Variants in POTEM observed in about 807,000 individuals in gnomAD.
POTEM encodes POTE ankyrin domain family member M.
For synonymous variants in POTEM, 8 were observed against 113.2 expected (o/e 0.07, Z 5.90); for missense variants, 24 against 343.0 (o/e 0.07, Z 7.35).
At position 19,002,754 on chromosome 14, in the gene POTEM, G is replaced by A. The variant is rs1361901046; in HGVS notation, c.*4089G>A. 7.1e-3 allele frequency among the ~76,000 whole-genome samples: 1,047 copies of A among 147,560 alleles called. 1 individual carries two copies. Among genetic ancestry groups the A allele is most frequent in the African/African-American group, 0.016 (650 of 39,438 alleles). Reference sequence around the variant, plus strand: ...GCAGCAAGGTGGCCCCTACGGCCACGCACCAGCCTGCACATTACCTCTCCA... The same window carrying A: ...GCAGCAAGGTGGCCCCTACGGCCACACACCAGCCTGCACATTACCTCTCCA... On this transcript the variant is annotated 3_prime_UTR_variant, in exon 11 of 11. Transcript: ENST00000547889.
At chr14:18,969,439 G>A (rs1471652131) in intron 1 of POTEM, among the ~76,000 whole-genome samples, 1 of 113,456 alleles carries the variant, frequency 8.8e-6, no homozygotes, top group Admixed American at 8.2e-5. Flanking sequence ...CTGGAGTGCA[G>A]TGGTGCGATC....
At chr14:18,994,962 C>CATCTTGTTTGTACATTTATATGTA (rs1891276257) in intron 9 of POTEM, among the ~76,000 whole-genome samples, 1 of 79,256 alleles carries the variant, frequency 1.3e-5, no homozygotes, top group Non-Finnish European at 2.5e-5. Flanking sequence ...TGCTTGTTTA[C>CATCTTGTTTGTACATTTATATGTA]CGTTTGTACA....
chr14:19,002,763 T>C lies in POTEM; in HGVS notation c.*4098T>C, dbSNP rs1891407375. Among the ~76,000 whole-genome samples, 1 of 152,288 alleles carries C rather than the reference T, an allele frequency of 6.6e-6. No homozygotes were observed. Among genetic ancestry groups the C allele is most frequent in the Non-Finnish European group, 1.5e-5 (1 of 68,046 alleles). ...TGGCCCCTACGGCCACGCACCAGCC[T>C]GCACATTACCTCTCCATACTGCAGC... On this transcript the variant is annotated 3_prime_UTR_variant, in exon 11 of 11. Transcript: ENST00000547889.
chr14:18,986,402 CA>C (rs1189816577), intron 7 of POTEM, among the ~76,000 whole-genome samples: 3 of 136,924 alleles, frequency 2.2e-5, no homozygotes, highest in Non-Finnish European at 4.7e-5. Flanking sequence ...GGAACCAGGT[CA>C]AAAAAGCAAC....
At position 18,980,102 on chromosome 14, in the gene POTEM, GA is replaced by G; in HGVS notation, c.1089del (p.Lys363AsnfsTer4). 2.3e-6 allele frequency: 1 copy of G among 429,080 alleles called. No individual in the cohort carries two copies. The highest frequency in any genetic ancestry group is 4.3e-5 in the East Asian group (1 of 23,032). 26.6% of individuals were successfully genotyped at this position (429,080 alleles called of 1,614,324 possible). On this transcript the variant is annotated frameshift_variant, in exon 6 of 11. Coordinates refer to ENST00000547889, the MANE Select transcript of POTEM (RefSeq NM_001145442.1). LOFTEE classifies it high-confidence loss of function. ...VICQLLSDYKEKQILKVSSEN... is the reference protein window; with the variant it reads ...VICQLLSDYKXKQILKVSSEN... ...TTGCCAGTTACTTTCTGACTACAAA[GA>G]AAAACAGATACTAAAAGTCTCTTCT...
At chr14:18,990,914 G>T (rs1891235828) in intron 9 of POTEM, among the ~76,000 whole-genome samples, 1 of 50,790 alleles carries the variant, frequency 2.0e-5, no homozygotes, top group Non-Finnish European at 4.5e-5. Flanking sequence ...GATGAAGTCT[G>T]GCTTTGTCCC....
intron 1 of POTEM, among the ~76,000 whole-genome samples, chr14:18,969,360 T>TATACATAC (rs1890854520): frequency 1.1e-5 from 1 of 89,258 alleles, no homozygotes; most frequent in African/African-American, 4.3e-5. Context: ...TACATGTGTA[T>TATACATAC]ATATATATAT....
intron 9 of POTEM, among the ~76,000 whole-genome samples, chr14:18,994,963 C>T (rs1288688604): frequency 3.7e-4 from 29 of 79,096 alleles, no homozygotes; most frequent in African/African-American, 1.5e-3. Flanking sequence ...GCTTGTTTAC[C>T]GTTTGTACAT....
At chr14:18,969,359 A>ATATATATATATATATACACATGTG (rs1890853655) in intron 1 of POTEM, among the ~76,000 whole-genome samples, 1 of 87,560 alleles carries the variant, frequency 1.1e-5, no homozygotes, top group Non-Finnish European at 2.1e-5. Flanking sequence ...ATACATGTGT[A>ATATATATATATATATACACATGTG]TATATATATA....
chr14:18,968,430 A>G (rs1340845309), intron 1 of POTEM, among the ~76,000 whole-genome samples: 73 of 151,846 alleles, frequency 4.8e-4, no homozygotes, highest in African/African-American at 1.7e-3. Flanking sequence ...ATCAATGTAC[A>G]CTATGTAAAT....
intron 1 of POTEM, among the ~76,000 whole-genome samples, chr14:18,968,683 C>T (rs1181631856): frequency 5.9e-5 from 9 of 151,858 alleles, no homozygotes; most frequent in African/African-American, 9.6e-5. Context: ...ATTAGCTGGA[C>T]GCGGTGGCAG....
chr14:18,982,004 G>A (rs1262040644), intron 6 of POTEM, among the ~76,000 whole-genome samples: 1 of 149,964 alleles, frequency 6.7e-6, no homozygotes, highest in Non-Finnish European at 1.5e-5. Context: ...GCTGTTGGCA[G>A]TGTTTTATTC....
chr14:18,968,791 C>G (rs1298008611), intron 1 of POTEM, among the ~76,000 whole-genome samples: 47 of 152,174 alleles, frequency 3.1e-4, no homozygotes, highest in African/African-American at 1.1e-3. Context: ...CCACTGTACT[C>G]CAGCCTGGGA....
intron 7 of POTEM, among the ~76,000 whole-genome samples, chr14:18,985,895 C>T (rs1891170450): frequency 8.5e-6 from 1 of 118,014 alleles, no homozygotes; most frequent in African/African-American, 3.9e-5. Flanking sequence ...CAGAGCAAGA[C>T]TCTGTGTCAA....
chr14:18,985,990 A>G lies in POTEM; in HGVS notation c.1197+509A>G, dbSNP rs796234794. On this transcript the variant is annotated intron_variant, in intron 7 of 10. Coordinates refer to ENST00000547889, the MANE Select transcript of POTEM (RefSeq NM_001145442.1). Reference sequence around the variant, plus strand: ...TTCAGCAACCTTATTAAAAGAATCAATAGGTTCTAATTTAATATTTGATAT... The same window carrying G: ...TTCAGCAACCTTATTAAAAGAATCAGTAGGTTCTAATTTAATATTTGATAT... Among the ~76,000 whole-genome samples, 52 of 65,746 alleles carry G rather than the reference A, an allele frequency of 7.9e-4. 3 individuals carry two copies. The East Asian group carries it at 0.012, about 15-fold the overall frequency. 43.1% of individuals were successfully genotyped at this position (65,746 alleles called of 152,430 possible).
chr14:18,969,423 C>T (rs1890859777), intron 1 of POTEM, among the ~76,000 whole-genome samples: 1 of 114,532 alleles, frequency 8.7e-6, no homozygotes, highest in Non-Finnish European at 1.7e-5. Flanking sequence ...CACTCTGTTG[C>T]CCAGGCTGGA....
intron 1 of POTEM, among the ~76,000 whole-genome samples, chr14:18,969,286 CAT>C (rs1228778754): frequency 1.2e-4 from 13 of 108,052 alleles, no homozygotes; most frequent in Admixed American, 2.7e-4. Flanking sequence ...TATATATACA[CAT>C]GTATATATAT....
intron 1 of POTEM, among the ~76,000 whole-genome samples, chr14:18,969,166 A>C (rs1890837983): frequency 7.4e-6 from 1 of 135,918 alleles, no homozygotes; most frequent in Non-Finnish European, 1.6e-5. Flanking sequence ...TTTGGAGAAA[A>C]CTAGCTAGAT....
intron 5 of POTEM, among the ~76,000 whole-genome samples, chr14:18,979,588 G>GA (rs1891029208): frequency 1.0e-5 from 1 of 99,332 alleles, no homozygotes; most frequent in African/African-American, 4.1e-5. Flanking sequence ...GTGATTCCAA[G>GA]ATAATTTTAG....
Sources: gnomAD v4.1 joint callset for allele counts (sites outside exome capture counted in the v4.1 genomes callset) on GRCh38, gnomAD v4.1.1 for gene constraint, MANE v1.5 for transcripts, NCBI Gene and HGNC (gene_info 2026-07-23, HGNC 2026-07-21) for gene names.